IFT57: variants seen among roughly 807,000 people sequenced by gnomAD.
IFT57 encodes intraflagellar transport protein 57 homolog.
In IFT57, 59 loss-of-function variants were observed where a neutral mutation model predicts 56.8. The ratio of observed to expected loss-of-function variants is 1.04; its 90% CI spans 0.84 to 1.29. The LOEUF (loss-of-function observed/expected upper bound fraction) is 1.29. Among genes scored for constraint, IFT57 ranks in the 50% most tolerant of loss-of-function variants. The pLI, the probability that IFT57 is intolerant of heterozygous loss-of-function variation, is 0.00. For synonymous variants in IFT57, 209 were observed against 186.1 expected (o/e 1.12, Z -1.00); for missense variants, 470 against 522.1 (o/e 0.90, Z 0.97).
At chr3:108,163,617 A>G in intron 10 of IFT57, 46 bp downstream of exon 10, 4 of 1,322,184 alleles carry the variant, frequency 3.0e-6, no homozygotes, top group Non-Finnish European at 4.3e-6. Context: ...TTGAAGAGCT[A>G]TTTTTCTCTT....
At chr3:108,196,323 A>C (rs2080244163) in intron 5 of IFT57, among the ~76,000 whole-genome samples, 1 of 152,040 alleles carries the variant, frequency 6.6e-6, no homozygotes, top group Non-Finnish European at 1.5e-5. Flanking sequence ...TCACCAAACA[A>C]GACAAGGGCG....
At chr3:108,176,253 T>C (rs879390641) in intron 6 of IFT57, among the ~76,000 whole-genome samples, 1 of 151,860 alleles carries the variant, frequency 6.6e-6, no homozygotes, top group Non-Finnish European at 1.5e-5. Flanking sequence ...TCTCAGGCCA[T>C]TGTTTCAACA....
intron 4 of IFT57, 92 bp downstream of exon 4, chr3:108,213,839 T>C: frequency 4.2e-6 from 3 of 707,048 alleles, no homozygotes; most frequent in Non-Finnish European, 7.3e-6. Flanking sequence ...TGAAATAAAA[T>C]ATATTCCAGA....
chr3:108,200,887 A>T (rs2080275110), intron 5 of IFT57, among the ~76,000 whole-genome samples: 1 of 152,210 alleles, frequency 6.6e-6, no homozygotes, highest in African/African-American at 2.4e-5. Context: ...GTATTGAGAG[A>T]CTGGGGCTTT....
chr3:108,210,990 G>A (rs1392689624), intron 4 of IFT57, among the ~76,000 whole-genome samples: 3 of 152,108 alleles, frequency 2.0e-5, no homozygotes, highest in Non-Finnish European at 4.4e-5. Flanking sequence ...AGGGTTCCTA[G>A]CTTTAAAATG....
intron 2 of IFT57, 57 bp from the exon 3 acceptor site, chr3:108,218,710 A>C: frequency 1.2e-6 from 1 of 828,582 alleles, no homozygotes; most frequent in Non-Finnish European, 1.9e-6. Flanking sequence ...CAAATGTCAA[A>C]TATTTTAAGC....
At chr3:108,175,496 AG>A (rs2080119233) in intron 6 of IFT57, among the ~76,000 whole-genome samples, 1 of 151,840 alleles carries the variant, frequency 6.6e-6, no homozygotes, top group Admixed American at 6.6e-5. Context: ...AAGTATCTGG[AG>A]ATGGTGATTC....
chr3:108,211,572 C>T (rs1019396901), intron 4 of IFT57, among the ~76,000 whole-genome samples: 2 of 152,188 alleles, frequency 1.3e-5, no homozygotes, highest in African/African-American at 4.8e-5. Flanking sequence ...AGGGCCTTGG[C>T]CACTGCCTGC....
intron 1 of IFT57, 84 bp downstream of exon 1, chr3:108,222,027 C>A: frequency 6.5e-7 from 1 of 1,530,846 alleles, no homozygotes; most frequent in South Asian, 1.2e-5. Context: ...CCCGCTCTCA[C>A]GAAACTGGTT....
In IFT57 at chr3:108,160,860, GAGAGGAGGAGCAC is replaced by G. The variant is rs1447393420; in HGVS notation, c.*1604_*1616del. 2 of 152,192 alleles carry G rather than the reference GAGAGGAGGAGCAC, an allele frequency of 1.3e-5. No homozygotes were observed. The highest frequency in any genetic ancestry group is 2.9e-5 in the Non-Finnish European group (2 of 68,032). 9.4% of individuals were successfully genotyped at this position (152,192 alleles called of 1,614,324 possible). The stretch of plus-strand genomic sequence containing the variant: ...AGGTATGCACAGTGTTCTATAGGAA[GAGAGGAGGAGCAC>G]AGAACCCAAGCTGAGTTAACTGGAA... On this transcript the variant is annotated 3_prime_UTR_variant, in exon 11 of 11. Transcript: ENST00000264538.
intron 3 of IFT57, among the ~76,000 whole-genome samples, chr3:108,216,905 T>C (rs1270075337): frequency 6.6e-6 from 1 of 151,958 alleles, no homozygotes; most frequent in Non-Finnish European, 1.5e-5. Flanking sequence ...GAGAGTATAA[T>C]AGTGGTTACC....
chr3:108,212,329 C>T (rs1044765717), intron 4 of IFT57, among the ~76,000 whole-genome samples: 2 of 152,150 alleles, frequency 1.3e-5, no homozygotes, highest in African/African-American at 4.8e-5. Flanking sequence ...CTCCCACCGC[C>T]TCCCGAAGAG....
At chr3:108,216,071 G>A (rs2080371322) in intron 3 of IFT57, among the ~76,000 whole-genome samples, 1 of 152,058 alleles carries the variant, frequency 6.6e-6, no homozygotes, top group Admixed American at 6.5e-5. Context: ...CATTGGTCTG[G>A]GCAAGAATTT....
intron 6 of IFT57, among the ~76,000 whole-genome samples, chr3:108,168,457 T>A (rs115983438): frequency 1.2e-4 from 18 of 152,114 alleles, no homozygotes; most frequent in African/African-American, 4.1e-4. Flanking sequence ...TTAAAAATAT[T>A]TCAGTTTACT....
rs780705867 is a variant in IFT57, at chr3:108,222,344, C to G, written c.-22G>C. 6 of 1,589,534 alleles carry G rather than the reference C, an allele frequency of 3.8e-6. No individual in the cohort carries two copies. The African/African-American group carries it at 8.1e-5, about 21-fold the overall frequency. On this transcript the variant is annotated 5_prime_UTR_variant, in exon 1 of 11. Coordinates refer to ENST00000264538, the MANE Select transcript of IFT57 (RefSeq NM_018010.4). The stretch of plus-strand genomic sequence containing the variant: ...TCATCGCAGAACGGACAGAGTCCAG[C>G]GTGGGCTCAGGCCCACAGACCTCTG...
intron 5 of IFT57, among the ~76,000 whole-genome samples, chr3:108,205,326 G>T (rs2080303368): frequency 6.6e-6 from 1 of 152,008 alleles, no homozygotes; most frequent in Non-Finnish European, 1.5e-5. Flanking sequence ...AGCTTAAGAA[G>T]ATGAGGCACA....
rs2080038072 is a variant in IFT57, at chr3:108,162,328, C to A, written c.*149G>T. On this transcript the variant is annotated 3_prime_UTR_variant, in exon 11 of 11. Transcript: ENST00000264538. ...ATTACATTCAGTGTAAAGGCTTTAA[C>A]CATCATAATCACCATGATATAATAT... 5 of 528,596 alleles carry A rather than the reference C, an allele frequency of 9.5e-6. No individual in the cohort carries two copies. The highest frequency in any genetic ancestry group is 1.6e-5 in the Non-Finnish European group (5 of 306,044). 32.7% of individuals were successfully genotyped at this position (528,596 alleles called of 1,614,324 possible). A position where few individuals can be genotyped will look rare whatever the true frequency, so the allele number is the denominator to read the frequency against.
chr3:108,217,342 C>A (rs1252055315), intron 3 of IFT57, among the ~76,000 whole-genome samples: 1 of 152,052 alleles, frequency 6.6e-6, no homozygotes, highest in African/African-American at 2.4e-5. Flanking sequence ...TACACCATAG[C>A]TTCTGGTGAA....
chr3:108,215,668 C>T (rs369926500), intron 3 of IFT57, among the ~76,000 whole-genome samples: 149 of 151,986 alleles, frequency 9.8e-4, no homozygotes, highest in Non-Finnish European at 1.9e-3. Context: ...AATTAGAATT[C>T]GAAAATATCT....
Sources: allele counts gnomAD v4.1 joint callset (sites outside exome capture counted in the v4.1 genomes callset), GRCh38; gene constraint gnomAD v4.1.1; transcripts MANE v1.5; gene names NCBI Gene and HGNC (gene_info 2026-07-23, HGNC 2026-07-21).